Variants in LURAP1L observed in about 807,000 individuals in gnomAD.
The protein encoded by LURAP1L is leucine rich adaptor protein 1-like.
Under a neutral mutation model 13.8 loss-of-function variants are expected in LURAP1L, and 12 were observed. That is an observed-to-expected ratio of 0.87 (90% CI 0.56 to 1.41). The LOEUF (loss-of-function observed/expected upper bound fraction) is 1.41. LURAP1L is among the 40% of genes most tolerant of loss of function. LURAP1L has a pLI of 0.00. For synonymous variants in LURAP1L, 139 were observed against 119.2 expected, an observed-to-expected ratio of 1.17 and a Z score of -1.08; for missense variants, 375 against 292.9, an observed-to-expected ratio of 1.28 and a Z score of -2.04.
intron 1 of LURAP1L, among the ~76,000 whole-genome samples, chr9:12,817,014 C>T (rs1345380276): frequency 6.6e-6 from 1 of 152,172 alleles, no homozygotes; most frequent in African/African-American, 2.4e-5. Flanking sequence ...TATCGGTTAT[C>T]ACCTCTGAAC....
Position 12,822,382 on chromosome 9 carries a change from C to T in LURAP1L, c.*622C>T, listed in dbSNP as rs985124988. 7.2e-5 allele frequency among the ~76,000 whole-genome samples: 11 copies of T among 152,162 alleles called. No homozygotes were observed. Among genetic ancestry groups the T allele is most frequent in the African/African-American group, 2.7e-4 (11 of 41,430 alleles). ...CCCTTGTGTTGGTACTTTAGATTAA[C>T]ATTTTGTCATCAGTGATTCTAACTC... On this transcript the variant is annotated 3_prime_UTR_variant, in exon 2 of 2. Transcript: ENST00000319264.
chr9:12,817,766 G>A (rs1485118460), intron 1 of LURAP1L, among the ~76,000 whole-genome samples: 3 of 152,192 alleles, frequency 2.0e-5, no homozygotes, highest in Admixed American at 2.0e-4. Context: ...GTGAGGAAAG[G>A]CGGGGCAGCT....
chr9:12,789,858 G>A (rs977991248), intron 1 of LURAP1L, among the ~76,000 whole-genome samples: 17 of 152,134 alleles, frequency 1.1e-4, no homozygotes, highest in Admixed American at 3.9e-4. Flanking sequence ...TAAGACTACA[G>A]ATAAAGCCCT....
In LURAP1L at chr9:12,821,678, T is replaced by G; in HGVS notation, c.605T>G (p.Phe202Cys). 1.9e-6 allele frequency: 3 copies of G among 1,614,140 alleles called. No individual in the cohort carries two copies. The highest frequency in any genetic ancestry group is 2.5e-6 in the Non-Finnish European group (3 of 1,180,032). The change falls in exon 2 of 2, where the codon TTC becomes TGC. Residue 202 changes from phenylalanine (F) to cysteine (C), a missense_variant. By Grantham distance (205) the Phe-to-Cys change is radical. Coordinates refer to ENST00000319264, the MANE Select transcript of LURAP1L (RefSeq NM_203403.2). ...GHQTPSDLDQFSDSSLIEDSQ... is the reference protein window; with the variant it reads ...GHQTPSDLDQCSDSSLIEDSQ... ...CAGACCCCTTCAGACTTGGACCAAT[T>G]CAGTGACAGCTCCCTCATAGAGGAC... is the stretch of plus-strand genomic sequence containing the variant.
In LURAP1L at chr9:12,775,564, T is replaced by A; in HGVS notation, c.-152T>A. ...TGCGGATTTCAGGGCTGATACCGCA[T>A]AGGCGGTTATGGAAAGGACGGTACA... is the stretch of plus-strand genomic sequence containing the variant. On this transcript the variant is annotated 5_prime_UTR_variant, in exon 1 of 2. Transcript: ENST00000319264. 2.3e-6 allele frequency: 3 copies of A among 1,287,146 alleles called. No homozygotes were observed. The highest frequency in any genetic ancestry group is 3.1e-6 in the Non-Finnish European group (3 of 976,288). 79.7% of individuals were successfully genotyped at this position (1,287,146 alleles called of 1,614,324 possible). A position where few individuals can be genotyped will look rare whatever the true frequency, so the allele number is the denominator to read the frequency against.
intron 1 of LURAP1L, among the ~76,000 whole-genome samples, chr9:12,800,918 T>G (rs1244635672): frequency 6.6e-6 from 1 of 152,198 alleles, no homozygotes; most frequent in Non-Finnish European, 1.5e-5. Flanking sequence ...TTAAAGCTCC[T>G]GTCAAGTGCT....
At chr9:12,783,827 C>CT (rs60324198) in intron 1 of LURAP1L, among the ~76,000 whole-genome samples, 4,690 of 117,270 alleles carry the variant, frequency 0.04, 77 homozygotes, top group Middle Eastern at 0.066. Context: ...AGGTCCTGGG[C>CT]TTTTTTTTTT....
chr9:12,782,746 T>A (rs1359140122), intron 1 of LURAP1L, among the ~76,000 whole-genome samples: 1 of 152,170 alleles, frequency 6.6e-6, no homozygotes, highest in African/African-American at 2.4e-5. Context: ...TTTTTTCTAT[T>A]TCTGTGAGGA....
At chr9:12,810,216 C>T (rs1032372438) in intron 1 of LURAP1L, among the ~76,000 whole-genome samples, 1 of 152,214 alleles carries the variant, frequency 6.6e-6, no homozygotes, top group East Asian at 1.9e-4. Context: ...CATGAAAGTG[C>T]GGGGTGCCCC....
chr9:12,776,058 G>T, intron 1 of LURAP1L, 31 bp downstream of exon 1: 1 of 1,606,848 alleles, frequency 6.2e-7, no homozygotes, highest in Non-Finnish European at 8.5e-7. Flanking sequence ...GCGGGGGCTG[G>T]GACCTGGGCT....
chr9:12,809,834 C>G (rs1819712477), intron 1 of LURAP1L, among the ~76,000 whole-genome samples: 1 of 152,130 alleles, frequency 6.6e-6, no homozygotes, highest in Non-Finnish European at 1.5e-5. Context: ...AGTATCCTTG[C>G]TTTTGTCTAC....
intron 1 of LURAP1L, among the ~76,000 whole-genome samples, chr9:12,786,914 T>G (rs921161298): frequency 6.6e-6 from 1 of 151,996 alleles, no homozygotes; most frequent in African/African-American, 2.4e-5. Context: ...CCTGATACAA[T>G]TGGACCCATC....
intron 1 of LURAP1L, among the ~76,000 whole-genome samples, chr9:12,813,727 G>A (rs1429019872): frequency 6.6e-6 from 1 of 152,136 alleles, no homozygotes; most frequent in African/African-American, 2.4e-5. Context: ...CATCATTGAT[G>A]AACCAGTAAA....
chr9:12,810,718 AT>A (rs1819725275), intron 1 of LURAP1L, among the ~76,000 whole-genome samples: 1 of 152,192 alleles, frequency 6.6e-6, no homozygotes, highest in South Asian at 2.1e-4. Flanking sequence ...AAATCACTAG[AT>A]TGGAAAGTTA....
intron 1 of LURAP1L, among the ~76,000 whole-genome samples, chr9:12,807,336 G>A (rs796938096): frequency 1.3e-5 from 2 of 152,140 alleles, no homozygotes; most frequent in African/African-American, 4.8e-5. Flanking sequence ...ATTGGCCAGG[G>A]TAATCTGATG....
At chr9:12,780,387 T>TATTTTCAGGTGTAC (rs55841068) in intron 1 of LURAP1L, among the ~76,000 whole-genome samples, 24,321 of 152,160 alleles carry the variant, frequency 0.16, 2,257 homozygotes, top group South Asian at 0.39. Context: ...AACAAGGTTA[T>TATTTTCAGGTGTAC]ATTTCAAAAG....
At chr9:12,797,547 G>C (rs889650169) in intron 1 of LURAP1L, among the ~76,000 whole-genome samples, 3 of 152,044 alleles carry the variant, frequency 2.0e-5, no homozygotes, top group African/African-American at 7.2e-5. Flanking sequence ...TATCTACCAG[G>C]ATTTTCATTA....
chr9:12,814,033 G>C (rs1373565753), intron 1 of LURAP1L, among the ~76,000 whole-genome samples: 2 of 152,180 alleles, frequency 1.3e-5, no homozygotes, highest in Non-Finnish European at 2.9e-5. Flanking sequence ...TCTGTCAAGT[G>C]TGTGTTATAC....
intron 1 of LURAP1L, among the ~76,000 whole-genome samples, chr9:12,794,422 C>G (rs1819485749): frequency 1.3e-5 from 2 of 151,960 alleles, no homozygotes; most frequent in African/African-American, 4.8e-5. Flanking sequence ...AAAACTTACC[C>G]TCTACATGAA....
Sources: allele counts gnomAD v4.1 joint callset (sites outside exome capture counted in the v4.1 genomes callset), GRCh38; gene constraint gnomAD v4.1.1; transcripts MANE v1.5; gene names NCBI Gene and HGNC (gene_info 2026-07-23, HGNC 2026-07-21).